The following AK4 variants were observed in gnomAD, a reference collection of about 807,000 sequenced individuals.
AK4 encodes the protein adenylate kinase 4, mitochondrial.
AK4 carries 13 observed loss-of-function variants against 24.6 expected under a neutral mutation model. That is an observed-to-expected ratio of 0.53 (90% CI 0.34 to 0.84). The LOEUF (loss-of-function observed/expected upper bound fraction) is 0.84, where lower values mean the gene tolerates loss of function less well. Among genes scored for constraint, AK4 ranks in the 40% least tolerant of loss-of-function variants. AK4 has a pLI of 0.01. For missense variants in AK4, 192 were observed against 288.2 expected (o/e 0.67, Z 2.42); for synonymous variants, 88 against 107.0 (o/e 0.82, Z 1.10).
chr1:65,190,320 T>G (rs1300539880), intron 1 of AK4, among the ~76,000 whole-genome samples: 1 of 151,774 alleles, frequency 6.6e-6, no homozygotes, highest in Non-Finnish European at 1.5e-5. Context: ...AGTAGTGCAG[T>G]CAATGAGCTT....
At chr1:65,176,944 A>G (rs1175871581) in intron 1 of AK4, among the ~76,000 whole-genome samples, 5 of 152,254 alleles carry the variant, frequency 3.3e-5, no homozygotes, top group Admixed American at 6.5e-5. Context: ...AATAAATCAC[A>G]TTACAAATTC....
chr1:65,156,571 C>A (rs1649991380), intron 1 of AK4, among the ~76,000 whole-genome samples: 1 of 151,912 alleles, frequency 6.6e-6, no homozygotes, highest in African/African-American at 2.4e-5. Context: ...AATTGAGAAC[C>A]AAAGAAGCTT....
chr1:65,171,543 G>T (rs1338854818), intron 1 of AK4, among the ~76,000 whole-genome samples: 2 of 151,702 alleles, frequency 1.3e-5, no homozygotes, highest in African/African-American at 4.8e-5. Flanking sequence ...CTGACCTCCT[G>T]ATCTGCCCAC....
chr1:65,217,442 T>C (rs1339302314), intron 2 of AK4, among the ~76,000 whole-genome samples: 1 of 152,240 alleles, frequency 6.6e-6, no homozygotes, highest in Non-Finnish European at 1.5e-5. Context: ...GTTTCTCTTC[T>C]GGATGTTGCA....
At chr1:65,198,582 G>T (rs1004408663) in intron 2 of AK4, among the ~76,000 whole-genome samples, 13 of 152,120 alleles carry the variant, frequency 8.5e-5, no homozygotes, top group Admixed American at 5.2e-4. Context: ...GCCACACATG[G>T]TACAGGTGAG....
intron 2 of AK4, among the ~76,000 whole-genome samples, chr1:65,201,926 A>T (rs371707263): frequency 6.6e-6 from 1 of 152,340 alleles, no homozygotes; most frequent in East Asian, 1.9e-4. Flanking sequence ...ATATGAGCAG[A>T]TGAGGCTGGA....
chr1:65,153,304 C>G (rs1397325365), intron 1 of AK4, among the ~76,000 whole-genome samples: 3 of 152,122 alleles, frequency 2.0e-5, no homozygotes, highest in African/African-American at 4.8e-5. Flanking sequence ...TAGTTTCACT[C>G]TGTGACCTAG....
At chr1:65,211,902 TAG>T (rs1178065282) in intron 2 of AK4, among the ~76,000 whole-genome samples, 1 of 152,186 alleles carries the variant, frequency 6.6e-6, no homozygotes, top group Admixed American at 6.5e-5. Flanking sequence ...TGGCGTGTGG[TAG>T]AGGTGCAGTT....
At chr1:65,176,109 AAAT>A (rs1398575146) in intron 1 of AK4, among the ~76,000 whole-genome samples, 2 of 152,208 alleles carry the variant, frequency 1.3e-5, no homozygotes, top group Non-Finnish European at 2.9e-5. Context: ...ATGAAGGGTG[AAAT>A]AATAATTGAT....
intron 2 of AK4, among the ~76,000 whole-genome samples, chr1:65,206,529 C>T (rs921860547): frequency 2.0e-5 from 3 of 152,244 alleles, no homozygotes; most frequent in Non-Finnish European, 4.4e-5. Context: ...AGGAGAATCA[C>T]TTGAGTCCAG....
chr1:65,160,983 G>A (rs937363220), intron 1 of AK4, among the ~76,000 whole-genome samples: 3 of 152,224 alleles, frequency 2.0e-5, no homozygotes, highest in South Asian at 2.1e-4. Flanking sequence ...TGGGGGGCAC[G>A]TTCAGACCCT....
chr1:65,151,995 C>A (rs935321393), intron 1 of AK4, among the ~76,000 whole-genome samples: 1 of 151,978 alleles, frequency 6.6e-6, no homozygotes, highest in African/African-American at 2.4e-5. Context: ...GAAATATTAG[C>A]TTTTCTCTGT....
intron 1 of AK4, among the ~76,000 whole-genome samples, chr1:65,181,257 G>A (rs1014743653): frequency 3.2e-4 from 49 of 151,526 alleles, no homozygotes; most frequent in Admixed American, 3.9e-4. Context: ...CTCTCCTCCA[G>A]CACTATCCTG....
chr1:65,211,149 C>T lies in AK4; in HGVS notation c.266-7605C>T, dbSNP rs1478822926. 1.3e-5 allele frequency among the ~76,000 whole-genome samples: 2 copies of T among 152,178 alleles called. 1 individual carries two copies. Among genetic ancestry groups the T allele is most frequent in the African/African-American group, 4.8e-5 (2 of 41,438 alleles). On this transcript the variant is annotated intron_variant, in intron 2 of 4. Transcript: ENST00000327299. ...GAATGATTCCCAGCACTTTGGGAAG[C>T]TGAGGCAACAGGATTGTTTGAGGCC...
intron 1 of AK4, among the ~76,000 whole-genome samples, chr1:65,188,849 A>G (rs536558293): frequency 6.6e-6 from 1 of 151,958 alleles, no homozygotes; most frequent in Non-Finnish European, 1.5e-5. Flanking sequence ...ATCTTGGCTC[A>G]CTGCAACCTC....
chr1:65,174,302 T>A (rs1341899108), intron 1 of AK4, among the ~76,000 whole-genome samples: 1 of 152,102 alleles, frequency 6.6e-6, no homozygotes, highest in Admixed American at 6.5e-5. Flanking sequence ...CTGATTAAAT[T>A]TTTAGATGAA....
At position 65,188,263 on chromosome 1, in the gene AK4, C is replaced by T. The variant is rs532545738; in HGVS notation, c.146-2447C>T. On this transcript the variant is annotated intron_variant, in intron 1 of 4. Coordinates refer to ENST00000327299, the MANE Select transcript of AK4 (RefSeq NM_013410.4). ...TACAGAAATTAGTTGGGCATGGTGG[C>T]GCACATCTATAATCCCAGCTACTTG... 1.1e-4 allele frequency among the ~76,000 whole-genome samples: 16 copies of T among 151,918 alleles called. No homozygotes were observed. The South Asian group carries it at 1.9e-3, about 18-fold the overall frequency.
chr1:65,197,088 C>T (rs911251833), intron 2 of AK4, among the ~76,000 whole-genome samples: 11 of 152,328 alleles, frequency 7.2e-5, no homozygotes, highest in African/African-American at 2.6e-4. Flanking sequence ...CTACCAGGTT[C>T]ATCCCATGAC....
intron 2 of AK4, among the ~76,000 whole-genome samples, chr1:65,216,975 A>G (rs1422132355): frequency 6.6e-6 from 1 of 152,222 alleles, no homozygotes; most frequent in Non-Finnish European, 1.5e-5. Flanking sequence ...TGTTGAGATT[A>G]CAGGTGTGAG....
Sources: gnomAD v4.1 joint callset for allele counts (sites outside exome capture counted in the v4.1 genomes callset) on GRCh38, gnomAD v4.1.1 for gene constraint, MANE v1.5 for transcripts, NCBI Gene and HGNC (gene_info 2026-07-23, HGNC 2026-07-21) for gene names.